The following ZDHHC2 variants were observed in gnomAD, a reference collection of about 807,000 sequenced individuals.
ZDHHC2 encodes the protein palmitoyltransferase ZDHHC2.
A neutral mutation model predicts 55.6 loss-of-function variants in ZDHHC2; 51 were observed. That is an observed-to-expected ratio of 0.92 (90% CI 0.73 to 1.16). ZDHHC2 has a LOEUF of 1.16. ZDHHC2 is among the 50% of genes most tolerant of loss of function. ZDHHC2 has a pLI of 0.00. For synonymous variants in ZDHHC2, 199 were observed against 152.9 expected (o/e 1.30, Z -2.22); for missense variants, 491 against 442.4 (o/e 1.11, Z -0.99).
intron 1 of ZDHHC2, among the ~76,000 whole-genome samples, chr8:17,159,458 A>G (rs927326787): frequency 6.6e-6 from 1 of 152,010 alleles, no homozygotes; most frequent in Non-Finnish European, 1.5e-5. Context: ...CCTGAATATA[A>G]ATTATTCTGT....
intron 6 of ZDHHC2, among the ~76,000 whole-genome samples, chr8:17,201,043 C>G (rs1472836787): frequency 1.3e-5 from 2 of 152,158 alleles, no homozygotes; most frequent in East Asian, 1.9e-4. Context: ...ATGGAGCAGC[C>G]ATTGTATTTA....
chr8:17,213,413 G>A (rs187032103), intron 10 of ZDHHC2, among the ~76,000 whole-genome samples: 3 of 151,896 alleles, frequency 2.0e-5, no homozygotes, highest in Admixed American at 1.3e-4. Flanking sequence ...CACAATGCCC[G>A]GCTAATTTTT....
intron 1 of ZDHHC2, among the ~76,000 whole-genome samples, chr8:17,182,736 T>G (rs551872856): frequency 3.3e-5 from 5 of 152,220 alleles, no homozygotes; most frequent in African/African-American, 1.2e-4. Flanking sequence ...TCAAAAAGAT[T>G]AGCAACTCGT....
intron 10 of ZDHHC2, among the ~76,000 whole-genome samples, chr8:17,210,763 A>G (rs1257046025): frequency 2.0e-5 from 3 of 152,064 alleles, no homozygotes; most frequent in Non-Finnish European, 4.4e-5. Flanking sequence ...GCTTAAAAGA[A>G]AAAAAAATGT....
intron 1 of ZDHHC2, among the ~76,000 whole-genome samples, chr8:17,184,282 A>G (rs1164077746): frequency 6.6e-6 from 1 of 152,234 alleles, no homozygotes; most frequent in Admixed American, 6.5e-5. Context: ...TCGTTGTGCA[A>G]CAGGGAGCAA....
chr8:17,200,430 C>T (rs1006190733), intron 6 of ZDHHC2, among the ~76,000 whole-genome samples: 1 of 152,184 alleles, frequency 6.6e-6, no homozygotes, highest in Admixed American at 6.5e-5. Flanking sequence ...ATGTTAAGCA[C>T]CCTCCTTTCT....
chr8:17,172,519 C>T (rs1362821283), intron 1 of ZDHHC2, among the ~76,000 whole-genome samples: 10 of 152,168 alleles, frequency 6.6e-5, no homozygotes, highest in Admixed American at 1.3e-4. Context: ...TCTACATCCA[C>T]GTGCCTATAC....
chr8:17,217,064 G>A, intron 11 of ZDHHC2, 108 bp from the exon 12 acceptor site: 2 of 997,154 alleles, frequency 2.0e-6, no homozygotes, highest in Admixed American at 2.3e-5. Flanking sequence ...TATGTACAAG[G>A]CACCTTTGGA....
In ZDHHC2 at chr8:17,184,808, C is replaced by A. The variant is rs529993470; in HGVS notation, c.150C>A (p.Gly50=). The A allele has an allele frequency of 4.5e-6, 7 of 1,549,014 alleles. No homozygotes were observed. The South Asian group carries it at 7.2e-5, about 16-fold the overall frequency. The part of the protein sequence containing the change: ...QLCIVSMENT[G]EQVVCLMAYH... ...TTACAGTGTCCATGGAAAACACTGG[C>A]GAACAAGGTAAGCTAGATTATATTA... Residue 50 remains glycine (G), a synonymous_variant, in exon 2 of 13, where the codon GGC becomes GGA. Transcript: ENST00000262096.
chr8:17,214,437 AT>A (rs1453117727), intron 10 of ZDHHC2, among the ~76,000 whole-genome samples: 4 of 152,116 alleles, frequency 2.6e-5, no homozygotes, highest in Non-Finnish European at 5.9e-5. Context: ...GCTGTAGGCC[AT>A]TTTTTCCTCA....
intron 5 of ZDHHC2, 79 bp downstream of exon 5, chr8:17,197,730 C>T (rs1806393558): frequency 7.0e-7 from 1 of 1,418,758 alleles, no homozygotes; most frequent in Non-Finnish European, 9.9e-7. Context: ...TCACTGTTTT[C>T]CTGATTATCT....
In ZDHHC2 at chr8:17,222,056, T is replaced by G. The variant is rs1384268441; in HGVS notation, c.*1835T>G. 1.4e-5 allele frequency: 2 copies of G among 147,416 alleles called. No individual in the cohort carries two copies. The highest frequency in any genetic ancestry group is 6.8e-5 in the Admixed American group (1 of 14,602). The allele number at this position is 147,416 out of a possible 1,614,324, so 9.1% of individuals were successfully genotyped here. A position where few individuals can be genotyped will look rare whatever the true frequency, so the allele number is the denominator to read the frequency against. On this transcript the variant is annotated 3_prime_UTR_variant, in exon 13 of 13. Transcript: ENST00000262096. ...GGACAGGATTCGATTAAGTATTCCC[T>G]CTTGTCAAACTGGAAGCTAGGGGAA...
chr8:17,170,514 A>G (rs1804808159), intron 1 of ZDHHC2, among the ~76,000 whole-genome samples: 1 of 152,194 alleles, frequency 6.6e-6, no homozygotes, highest in Non-Finnish European at 1.5e-5. Context: ...AATTGGATTA[A>G]TTTTTAAATG....
chr8:17,168,853 G>A (rs753164990), intron 1 of ZDHHC2, among the ~76,000 whole-genome samples: 7 of 152,128 alleles, frequency 4.6e-5, no homozygotes, highest in Non-Finnish European at 8.8e-5. Context: ...CTGTGTTGTA[G>A]TATGTGTCAG....
At chr8:17,193,748 A>G (rs1239251834) in intron 3 of ZDHHC2, among the ~76,000 whole-genome samples, 1 of 151,976 alleles carries the variant, frequency 6.6e-6, no homozygotes, top group African/African-American at 2.4e-5. Context: ...TTTTAAATGT[A>G]ATAGTCCATC....
intron 1 of ZDHHC2, among the ~76,000 whole-genome samples, chr8:17,180,770 T>C (rs887146864): frequency 1.3e-4 from 20 of 152,210 alleles, no homozygotes; most frequent in African/African-American, 4.6e-4. Context: ...GCCTTCTTTA[T>C]CCCCAGCCAT....
At chr8:17,217,099 A>G (rs918137661) in intron 11 of ZDHHC2, 73 bp from the exon 12 acceptor site, 3 of 1,470,094 alleles carry the variant, frequency 2.0e-6, no homozygotes, top group Non-Finnish European at 2.8e-6. Context: ...TTCCTTATTC[A>G]TAGATGAATA....
chr8:17,187,472 T>G (rs76086958), intron 3 of ZDHHC2, among the ~76,000 whole-genome samples: 32 of 152,268 alleles, frequency 2.1e-4, no homozygotes, highest in African/African-American at 7.5e-4. Context: ...AATGCAACTT[T>G]GGTCAAAAAA....
intron 12 of ZDHHC2, among the ~76,000 whole-genome samples, chr8:17,219,235 G>A (rs1807792632): frequency 8.5e-6 from 1 of 117,350 alleles, no homozygotes; most frequent in Admixed American, 1.1e-4. Context: ...GGGAGCTTGG[G>A]TGACAGAGCA....
Sources: allele counts gnomAD v4.1 joint callset (sites outside exome capture counted in the v4.1 genomes callset), GRCh38; gene constraint gnomAD v4.1.1; transcripts MANE v1.5; gene names NCBI Gene and HGNC (gene_info 2026-07-23, HGNC 2026-07-21).